The following COL14A1 variants were observed in gnomAD, a reference collection of about 807,000 sequenced individuals.
The protein encoded by COL14A1 is collagen type XIV alpha 1 chain.
A neutral mutation model predicts 230.3 loss-of-function variants in COL14A1; 136 were observed. The ratio of observed to expected loss-of-function variants is 0.59; its 90% CI spans 0.51 to 0.68. The LOEUF (loss-of-function observed/expected upper bound fraction) is 0.68. COL14A1 is among the 30% of genes least tolerant of loss of function. The pLI is 0.00. For synonymous variants in COL14A1, 792 were observed against 784.1 expected (o/e 1.01, Z -0.17); for missense variants, 1,976 against 2,215.8 (o/e 0.89, Z 2.17).
chr8:120,167,644 T>C (rs1472041620), intron 4 of COL14A1, among the ~76,000 whole-genome samples: 1 of 152,198 alleles, frequency 6.6e-6, no homozygotes, highest in African/African-American at 2.4e-5. Flanking sequence ...GACCTTTTTT[T>C]AAGTTTGAAA....
intron 45 of COL14A1, among the ~76,000 whole-genome samples, chr8:120,355,186 C>T (rs1391666567): frequency 6.6e-6 from 1 of 152,156 alleles, no homozygotes; most frequent in Admixed American, 6.5e-5. Context: ...AACCAGATTT[C>T]CTCAATTACA....
chr8:120,281,979 C>CT (rs1165164371), intron 31 of COL14A1, among the ~76,000 whole-genome samples: 1 of 151,862 alleles, frequency 6.6e-6, no homozygotes, highest in Non-Finnish European at 1.5e-5. Flanking sequence ...TTTTATTATA[C>CT]TTTAAGTTTT....
chr8:120,247,546 C>T (rs1386540841), intron 20 of COL14A1, 67 bp from the exon 21 acceptor site: 5 of 1,400,894 alleles, frequency 3.6e-6, no homozygotes, highest in Non-Finnish European at 4.8e-6. Context: ...ATTTTGATGG[C>T]ATCAGTGTAG....
At position 120,168,249 on chromosome 8, in the gene COL14A1, T is replaced by C. The variant is rs1361460109; in HGVS notation, c.436+2T>C. On this transcript the variant is annotated splice_donor_variant, in intron 5 of 47. Transcript: ENST00000297848. LOFTEE classifies it high-confidence loss of function. ...GGAGTAGACCATCTTCACCAGAAGG[T>C]CAGAGACGATTTTAATTAACTCATA... 1.2e-6 allele frequency: 2 copies of C among 1,603,714 alleles called. No individual in the cohort carries two copies. Among genetic ancestry groups the C allele is most frequent in the East Asian group, 4.5e-5 (2 of 44,792 alleles).
At chr8:120,235,460 C>T (rs1423106862) in intron 19 of COL14A1, among the ~76,000 whole-genome samples, 1 of 152,072 alleles carries the variant, frequency 6.6e-6, no homozygotes, top group Non-Finnish European at 1.5e-5. Context: ...TGCACCACCC[C>T]TGCCCCCTTT....
At chr8:120,308,005 G>A (rs900062598) in intron 36 of COL14A1, among the ~76,000 whole-genome samples, 12 of 152,124 alleles carry the variant, frequency 7.9e-5, no homozygotes, top group Non-Finnish European at 1.5e-4. Context: ...TTTTTGAGAC[G>A]GAGTCTCACG....
intron 22 of COL14A1, 121 bp from the exon 23 acceptor site, chr8:120,255,119 G>C (rs1354352148): frequency 2.7e-6 from 2 of 741,998 alleles, no homozygotes; most frequent in African/African-American, 1.7e-5. Context: ...GTAAATTGAT[G>C]GATTTCCCAG....
chr8:120,238,744 C>T (rs992411903), intron 19 of COL14A1, among the ~76,000 whole-genome samples: 11 of 152,138 alleles, frequency 7.2e-5, no homozygotes, highest in African/African-American at 2.4e-4. Flanking sequence ...GTATAGGCAC[C>T]CAAGGGAATC....
chr8:120,254,578 A>G (rs1819077764), intron 22 of COL14A1, among the ~76,000 whole-genome samples: 1 of 152,106 alleles, frequency 6.6e-6, no homozygotes, highest in Non-Finnish European at 1.5e-5. Flanking sequence ...TTTATTGTGT[A>G]ATATTTAGAA....
intron 5 of COL14A1, among the ~76,000 whole-genome samples, chr8:120,182,682 C>G (rs936440982): frequency 6.6e-6 from 1 of 151,182 alleles, no homozygotes; most frequent in Non-Finnish European, 1.5e-5. Flanking sequence ...GGCAACTCTA[C>G]CAATAAAACT....
chr8:120,155,730 TATATTTTTA>T (rs1213163820), intron 2 of COL14A1, among the ~76,000 whole-genome samples: 1 of 152,182 alleles, frequency 6.6e-6, no homozygotes, highest in Non-Finnish European at 1.5e-5. Flanking sequence ...GAAACTTGCA[TATATTTTTA>T]ATATTTAAAA....
chr8:120,250,857 G>C, intron 22 of COL14A1, 91 bp downstream of exon 22: 2 of 1,451,352 alleles, frequency 1.4e-6, no homozygotes, highest in East Asian at 2.4e-5. Context: ...GCTCAGGCTG[G>C]AGTGCGCTGG....
intron 45 of COL14A1, among the ~76,000 whole-genome samples, chr8:120,364,228 A>G (rs1823326560): frequency 6.6e-6 from 1 of 152,100 alleles, no homozygotes; most frequent in Non-Finnish European, 1.5e-5. Context: ...TTTTGTCTAT[A>G]AAAAAATGAC....
rs1371421929 is a variant in COL14A1 at position 120,158,142 on chromosome 8, C to T, written c.101C>T (p.Thr34Ile). 5 of 1,572,422 alleles carry T rather than the reference C, an allele frequency of 3.2e-6. No individual in the cohort carries two copies. The East Asian group carries it at 1.1e-4, about 36-fold the overall frequency. The change falls in exon 3 of 48, where the codon ACA becomes ATA. Residue 34 changes from threonine (T) to isoleucine (I), a missense_variant. Thr to Ile is a moderately conservative substitution (Grantham distance 89). This residue lies in a region of COL14A1 where 181 missense variants were observed against 178.6 expected (regional missense o/e 1.01). Coordinates refer to ENST00000297848, the MANE Select transcript of COL14A1 (RefSeq NM_021110.4). ...TIVQGQVAPP[T>I]RLRYNVISHD... ...TCTTCCTTTTCAGTGGCTCCACCCA[C>T]AAGGTTAAGATATAATGTAATATCT...
chr8:120,196,855 G>A lies in COL14A1; in HGVS notation c.501G>A (p.Trp167Ter). Residue 167 changes from tryptophan to a stop codon, truncating the protein, a stop_gained, in exon 6 of 48, where the codon TGG (tryptophan) becomes TGA (stop). Coordinates refer to ENST00000297848, the MANE Select transcript of COL14A1 (RefSeq NM_021110.4). LOFTEE classifies it high-confidence loss of function. ...TTGTAATCCTGGTCGATGGTTCATGGAGTATTGGAAGATTCAACTTCAGAC... is the reference window on the plus strand; with the variant it reads ...TTGTAATCCTGGTCGATGGTTCATGAAGTATTGGAAGATTCAACTTCAGAC... The part of the protein sequence containing the change: ...ADIVILVDGS[W>*]SIGRFNFRLV... 1 of 1,614,114 alleles carries A rather than the reference G, an allele frequency of 6.2e-7. No homozygotes were observed. The highest frequency in any genetic ancestry group is 8.5e-7 in the Non-Finnish European group (1 of 1,179,988).
intron 40 of COL14A1, among the ~76,000 whole-genome samples, chr8:120,320,753 A>G (rs892178055): frequency 6.6e-6 from 1 of 152,206 alleles, no homozygotes; most frequent in African/African-American, 2.4e-5. Context: ...TAATATCCCA[A>G]GAAAGCCTTT....
At chr8:120,131,922 C>G (rs1331873082) in intron 1 of COL14A1, among the ~76,000 whole-genome samples, 1 of 135,204 alleles carries the variant, frequency 7.4e-6, no homozygotes, top group South Asian at 2.4e-4. Flanking sequence ...TCTCGGCTCA[C>G]TGCAACCTCT....
chr8:120,259,907 A>T (rs943374719), intron 23 of COL14A1, among the ~76,000 whole-genome samples: 5 of 152,174 alleles, frequency 3.3e-5, no homozygotes, highest in African/African-American at 1.2e-4. Context: ...TTATTGTGGG[A>T]TTCAGAGCCT....
At chr8:120,200,465 T>A (rs2130723438) in intron 8 of COL14A1, among the ~76,000 whole-genome samples, 1 of 151,974 alleles carries the variant, frequency 6.6e-6, no homozygotes, top group Admixed American at 6.6e-5. Context: ...CTCTGCTCTG[T>A]AGTTACATAC....
Sources: gnomAD v4.1 joint callset for allele counts (sites outside exome capture counted in the v4.1 genomes callset) on GRCh38, gnomAD v4.1.1 for gene constraint, gnomAD v4.1.1 regional missense constraint, MANE v1.5 for transcripts, NCBI Gene and HGNC (gene_info 2026-07-23, HGNC 2026-07-21) for gene names.